BUB1B: variants seen among roughly 807,000 people sequenced by gnomAD.
The protein encoded by BUB1B is BUB1 mitotic checkpoint serine/threonine kinase B.
In BUB1B, 86 loss-of-function variants were observed where a neutral mutation model predicts 137.7. The observed-to-expected ratio is 0.62, with a 90% CI of 0.52 to 0.75. The LOEUF is 0.75. BUB1B is among the 30% of genes least tolerant of loss of function. The pLI is 0.00. For synonymous variants in BUB1B, 420 were observed against 417.9 expected (o/e 1.00, Z -0.06); for missense variants, 1,130 against 1,236.9 (o/e 0.91, Z 1.30).
chr15:40,217,552 T>A lies in BUB1B; in HGVS notation c.2735T>A (p.Phe912Tyr), dbSNP rs1376152577. The change falls in exon 21 of 23, where the codon TTT becomes TAT. Residue 912 changes from phenylalanine to tyrosine, a missense_variant. Coordinates refer to ENST00000287598, the MANE Select transcript of BUB1B (RefSeq NM_001211.6). ...AATCAAGCTTTGAAGATAGTGGACTTTTCCTACAGTGTTGACCTTAGGGTG... is the reference window on the plus strand; with the variant it reads ...AATCAAGCTTTGAAGATAGTGGACTATTCCTACAGTGTTGACCTTAGGGTG... ...KNNQALKIVDFSYSVDLRVQL... is the reference protein window; with the variant it reads ...KNNQALKIVDYSYSVDLRVQL... The A allele has an allele frequency of 6.2e-7, 1 of 1,614,188 alleles. No homozygotes were observed.
At chr15:40,173,295 TAAAA>T (rs61078619) in intron 4 of BUB1B, among the ~76,000 whole-genome samples, 36 of 85,896 alleles carry the variant, frequency 4.2e-4, no homozygotes, top group African/African-American at 1.2e-3. Context: ...GAAAAAAAGA[TAAAA>T]AAAAAAAAAA....
chr15:40,176,494 G>A lies in BUB1B; in HGVS notation c.402G>A (p.Glu134=). 1.9e-6 allele frequency: 3 copies of A among 1,614,130 alleles called. No individual in the cohort carries two copies. The highest frequency in any genetic ancestry group is 2.5e-6 in the Non-Finnish European group (3 of 1,180,004). The change falls in exon 5 of 23, where the codon GAG becomes GAA. Residue 134 remains glutamate, a synonymous_variant. Transcript: ENST00000287598. ...LWLKLGRLCN[E]PLDMYSYLHN... ...TGTTACAGGGGCGTTTATGCAATGAGCCTTTGGATATGTACAGTTACTTGC... is the reference window on the plus strand; with the variant it reads ...TGTTACAGGGGCGTTTATGCAATGAACCTTTGGATATGTACAGTTACTTGC...
chr15:40,183,941 A>G, intron 6 of BUB1B, 58 bp downstream of exon 6: 4 of 1,562,764 alleles, frequency 2.6e-6, no homozygotes, highest in East Asian at 2.3e-5. Context: ...AAAATCATGT[A>G]AGAAGATAAT....
At position 40,212,420 on chromosome 15, in the gene BUB1B, C is replaced by G. The variant is rs1000365175; in HGVS notation, c.2386-79C>G. On this transcript the variant is annotated intron_variant, in intron 18 of 22. Transcript: ENST00000287598. ...CTTTATTATTTCTCTATCAGAAGGGCTGGAAGGAATGTGTTTCAACCTGCC... is the reference window on the plus strand; with the variant it reads ...CTTTATTATTTCTCTATCAGAAGGGGTGGAAGGAATGTGTTTCAACCTGCC... The G allele has an allele frequency of 2.8e-6, 3 of 1,079,028 alleles. No individual in the cohort carries two copies. The East Asian group carries it at 7.1e-5, about 25-fold the overall frequency. 66.8% of individuals were successfully genotyped at this position (1,079,028 alleles called of 1,614,324 possible). A position where few individuals can be genotyped will look rare whatever the true frequency, so the allele number is the denominator to read the frequency against.
rs1190383071 is a variant in BUB1B at position 40,202,265 on chromosome 15, A to G, written c.1568-140A>G. The G allele has an allele frequency of 4.2e-6, 3 of 710,296 alleles. No individual in the cohort carries two copies. In the East Asian group the frequency reaches 8.0e-5, roughly 19 times the overall value. 44.0% of individuals were successfully genotyped at this position (710,296 alleles called of 1,614,324 possible). On this transcript the variant is annotated intron_variant, in intron 12 of 22. Coordinates refer to ENST00000287598, the MANE Select transcript of BUB1B (RefSeq NM_001211.6). ...GGTAAATTGTTTAATGACCTTTTATATGTTTGAAGCTTTTTGTTATTAAAA... is the reference window on the plus strand; with the variant it reads ...GGTAAATTGTTTAATGACCTTTTATGTGTTTGAAGCTTTTTGTTATTAAAA...
chr15:40,193,915 G>A (rs2037467758), intron 8 of BUB1B, among the ~76,000 whole-genome samples: 1 of 151,192 alleles, frequency 6.6e-6, no homozygotes, highest in African/African-American at 2.4e-5. Context: ...AAAAAACAGG[G>A]TCTCACTGTA....
rs555047092 is a variant in BUB1B at position 40,176,811 on chromosome 15, T to C, written c.581+138T>C. 7 of 931,326 alleles carry C rather than the reference T, an allele frequency of 7.5e-6. No homozygotes were observed. In the African/African-American group the frequency reaches 1.2e-4, roughly 16 times the overall value. The allele number at this position is 931,326 out of a possible 1,614,324, so 57.7% of individuals were successfully genotyped here. On this transcript the variant is annotated intron_variant, in intron 5 of 22. Coordinates refer to ENST00000287598, the MANE Select transcript of BUB1B (RefSeq NM_001211.6). Reference sequence around the variant, plus strand: ...TTACTATTCAATTTTTTTAAAGATATATTTTAAAAATTTTATTTATCATAG... The same window carrying C: ...TTACTATTCAATTTTTTTAAAGATACATTTTAAAAATTTTATTTATCATAG...
intron 8 of BUB1B, among the ~76,000 whole-genome samples, chr15:40,193,601 A>G (rs1287860843): frequency 1.4e-5 from 2 of 147,596 alleles, no homozygotes; most frequent in Admixed American, 6.9e-5. Flanking sequence ...ATGCCTGGCT[A>G]ATTTTTTTTT....
chr15:40,173,781 G>T (rs764472927), intron 4 of BUB1B, among the ~76,000 whole-genome samples: 3 of 152,192 alleles, frequency 2.0e-5, no homozygotes, highest in Admixed American at 6.5e-5. Flanking sequence ...TCTGAACTTT[G>T]TATGTGGCTA....
chr15:40,219,153 G>A (rs1450329716), intron 22 of BUB1B, among the ~76,000 whole-genome samples: 3 of 152,070 alleles, frequency 2.0e-5, no homozygotes, highest in East Asian at 1.9e-4. Flanking sequence ...CTTGTGATCC[G>A]CCCGCCTCGG....
intron 6 of BUB1B, among the ~76,000 whole-genome samples, chr15:40,184,364 G>A (rs544167130): frequency 6.6e-6 from 1 of 151,280 alleles, no homozygotes; most frequent in African/African-American, 2.4e-5. Context: ...AAACGTGGTA[G>A]TGCAATCATA....
intron 3 of BUB1B, 21 bp downstream of exon 3, chr15:40,170,142 A>C (rs775977964): frequency 6.3e-7 from 1 of 1,598,138 alleles, no homozygotes. Flanking sequence ...TTATTTCACA[A>C]GGACAATAGA....
At chr15:40,196,911 G>A (rs2037505949) in intron 9 of BUB1B, 137 bp downstream of exon 9, 3 of 798,318 alleles carry the variant, frequency 3.8e-6, no homozygotes, top group African/African-American at 3.5e-5. Flanking sequence ...GTTTCTTTCT[G>A]TGTATCAGCC....
intron 20 of BUB1B, among the ~76,000 whole-genome samples, chr15:40,216,304 G>A (rs899460231): frequency 2.6e-5 from 4 of 151,804 alleles, no homozygotes; most frequent in African/African-American, 9.7e-5. Context: ...CAGGCATGGT[G>A]GCACACACCA....
At chr15:40,178,027 TC>T (rs934225000) in intron 5 of BUB1B, among the ~76,000 whole-genome samples, 8 of 138,394 alleles carry the variant, frequency 5.8e-5, no homozygotes, top group Non-Finnish European at 1.2e-4. Context: ...GCTTTTGGGT[TC>T]ATTTCATTGA....
chr15:40,192,860 G>T (rs893815091), intron 8 of BUB1B, among the ~76,000 whole-genome samples: 2 of 152,144 alleles, frequency 1.3e-5, no homozygotes, highest in Admixed American at 1.3e-4. Flanking sequence ...TCATGTGCAG[G>T]TTTGTTTGTT....
chr15:40,174,162 C>T (rs1186751168), intron 4 of BUB1B, among the ~76,000 whole-genome samples: 1 of 152,172 alleles, frequency 6.6e-6, no homozygotes, highest in Non-Finnish European at 1.5e-5. Context: ...CAGAACCATT[C>T]AGAAAGCTCT....
At chr15:40,185,728 CTTT>C in intron 8 of BUB1B, 86 bp downstream of exon 8, 1 of 1,317,082 alleles carries the variant, frequency 7.6e-7, no homozygotes, top group Non-Finnish European at 1.1e-6. Context: ...GCAGTTTCTT[CTTT>C]ATGAAGATGA....
At chr15:40,170,958 C>T in intron 4 of BUB1B, among the ~76,000 whole-genome samples, 1 of 152,096 alleles carries the variant, frequency 6.6e-6, no homozygotes, top group Non-Finnish European at 1.5e-5. Context: ...TATTTTGAAA[C>T]AAGGTCTCAC....
Sources: gnomAD v4.1 joint callset for allele counts (sites outside exome capture counted in the v4.1 genomes callset) on GRCh38, gnomAD v4.1.1 for gene constraint, MANE v1.5 for transcripts, NCBI Gene and HGNC (gene_info 2026-07-23, HGNC 2026-07-21) for gene names.